Variants in CTNNA2 observed in about 807,000 individuals in gnomAD.
CTNNA2 encodes catenin alpha 2.
In CTNNA2, 42 loss-of-function variants were observed where a neutral mutation model predicts 101.0. The ratio of observed to expected loss-of-function variants is 0.42; its 90% CI spans 0.32 to 0.54. The LOEUF is 0.54. Among genes scored for constraint, CTNNA2 ranks in the 20% least tolerant of loss-of-function variants. The pLI, the probability that CTNNA2 is intolerant of heterozygous loss-of-function variation, is 0.14. For missense variants in CTNNA2, 871 were observed against 1,223.1 expected (o/e 0.71, Z 4.29); for synonymous variants, 450 against 456.4 (o/e 0.99, Z 0.18).
chr2:79,652,584 A>G (rs548087195), intron 2 of CTNNA2, among the ~76,000 whole-genome samples: 1 of 152,142 alleles, frequency 6.6e-6, no homozygotes, highest in East Asian at 1.9e-4. Context: ...CCTTCCAATA[A>G]GGACCCTTGT....
chr2:79,554,674 A>G (rs1383223379), intron 1 of CTNNA2, among the ~76,000 whole-genome samples: 4 of 152,202 alleles, frequency 2.6e-5, no homozygotes, highest in Admixed American at 1.3e-4. Context: ...TCATTAAGAT[A>G]GAAGGCTCCA....
intron 11 of CTNNA2, among the ~76,000 whole-genome samples, chr2:80,546,720 C>T (rs1356496224): frequency 6.6e-6 from 1 of 152,198 alleles, no homozygotes; most frequent in African/African-American, 2.4e-5. Context: ...TGACCTTTAA[C>T]AGGACTCGTG....
intron 3 of CTNNA2, among the ~76,000 whole-genome samples, chr2:79,333,615 C>G (rs2104420738): frequency 6.6e-6 from 1 of 151,994 alleles, no homozygotes; most frequent in East Asian, 1.9e-4. Flanking sequence ...AGTCAAAGAC[C>G]CATAATATTT....
chr2:79,468,653 A>G (rs1670965058), intron 4 of CTNNA2, among the ~76,000 whole-genome samples: 3 of 152,350 alleles, frequency 2.0e-5, no homozygotes, highest in African/African-American at 7.2e-5. Flanking sequence ...AGCAAATGTA[A>G]AAGAACAGAA....
chr2:79,340,618 G>T (rs1446147069), intron 3 of CTNNA2, among the ~76,000 whole-genome samples: 1 of 152,052 alleles, frequency 6.6e-6, no homozygotes, highest in African/African-American at 2.4e-5. Flanking sequence ...CGGATCACGA[G>T]GTCAGGAGAT....
At chr2:79,270,023 C>A (rs531152184) in intron 2 of CTNNA2, among the ~76,000 whole-genome samples, 1 of 152,056 alleles carries the variant, frequency 6.6e-6, no homozygotes, top group Non-Finnish European at 1.5e-5. Flanking sequence ...CTTGCTCTCC[C>A]CACTTATTGT....
At chr2:79,497,221 C>T (rs1425145849) in intron 4 of CTNNA2, among the ~76,000 whole-genome samples, 1 of 152,198 alleles carries the variant, frequency 6.6e-6, no homozygotes, top group African/African-American at 2.4e-5. Flanking sequence ...CCGTACTCTC[C>T]CTTTCAGCCC....
At chr2:79,921,219 G>T (rs1686630678) in intron 7 of CTNNA2, among the ~76,000 whole-genome samples, 2 of 152,176 alleles carry the variant, frequency 1.3e-5, no homozygotes, top group Non-Finnish European at 2.9e-5. Context: ...CTTATGAGCA[G>T]GCATGTTAGG....
At chr2:79,357,832 G>T (rs1677541152) in intron 3 of CTNNA2, among the ~76,000 whole-genome samples, 1 of 152,102 alleles carries the variant, frequency 6.6e-6, no homozygotes, top group African/African-American at 2.4e-5. Flanking sequence ...ATTAAAATTG[G>T]AATTCTATAA....
chr2:79,633,307 A>G (rs998363557), intron 1 of CTNNA2, among the ~76,000 whole-genome samples: 18 of 152,182 alleles, frequency 1.2e-4, no homozygotes, highest in South Asian at 8.3e-4. Context: ...CCTAGTTACA[A>G]CAGTGCACAG....
At chr2:80,553,349 A>G (rs1692755576) in intron 11 of CTNNA2, among the ~76,000 whole-genome samples, 1 of 152,182 alleles carries the variant, frequency 6.6e-6, no homozygotes, top group Admixed American at 6.5e-5. Context: ...AATTAATAGC[A>G]ATGTTTTTGT....
intron 12 of CTNNA2, among the ~76,000 whole-genome samples, chr2:80,570,442 G>T (rs1228585152): frequency 6.6e-6 from 1 of 152,208 alleles, no homozygotes; most frequent in East Asian, 1.9e-4. Context: ...AACAGTAGCA[G>T]TTGACCAATC....
At chr2:80,149,259 G>C (rs974557841) in intron 7 of CTNNA2, among the ~76,000 whole-genome samples, 4 of 151,992 alleles carry the variant, frequency 2.6e-5, no homozygotes, top group African/African-American at 9.7e-5. Context: ...GGCTGGTCTT[G>C]AACTCCTGGC....
intron 8 of CTNNA2, among the ~76,000 whole-genome samples, chr2:80,400,543 C>T: frequency 6.6e-6 from 1 of 152,090 alleles, no homozygotes; most frequent in East Asian, 1.9e-4. Flanking sequence ...ACATTACATG[C>T]CCTTGACTCA....
At chr2:79,845,936 C>A (rs1680200559) in intron 3 of CTNNA2, among the ~76,000 whole-genome samples, 1 of 152,090 alleles carries the variant, frequency 6.6e-6, no homozygotes. Context: ...AGTAAAGAGG[C>A]CTTGTGGCTA....
At chr2:80,483,867 G>A (rs1410012898) in intron 9 of CTNNA2, among the ~76,000 whole-genome samples, 2 of 152,038 alleles carry the variant, frequency 1.3e-5, no homozygotes, top group Non-Finnish European at 2.9e-5. Flanking sequence ...ACCTGTGCAG[G>A]GCTGTACAGT....
At chr2:79,993,751 A>G (rs1692345131) in intron 7 of CTNNA2, among the ~76,000 whole-genome samples, 1 of 152,126 alleles carries the variant, frequency 6.6e-6, no homozygotes, top group South Asian at 2.1e-4. Flanking sequence ...GGGGAGACAG[A>G]TGGGCATGGG....
chr2:80,392,096 C>T (rs2149365227), intron 7 of CTNNA2, among the ~76,000 whole-genome samples: 1 of 152,292 alleles, frequency 6.6e-6, no homozygotes, highest in East Asian at 1.9e-4. Flanking sequence ...CAGCTTTATG[C>T]TTCCCGGATT....
intron 3 of CTNNA2, among the ~76,000 whole-genome samples, chr2:79,846,138 G>A (rs959106335): frequency 6.6e-6 from 1 of 152,222 alleles, no homozygotes; most frequent in African/African-American, 2.4e-5. Flanking sequence ...TAATTTTATA[G>A]CATCATTTAC....
Sources: allele counts gnomAD v4.1 joint callset (sites outside exome capture counted in the v4.1 genomes callset), GRCh38; gene constraint gnomAD v4.1.1; transcripts MANE v1.5; gene names NCBI Gene and HGNC (gene_info 2026-07-23, HGNC 2026-07-21).